Variants in CD180 observed in about 807,000 individuals in gnomAD.
CD180 encodes CD180 antigen.
CD180 carries 11 observed loss-of-function variants against 10.7 expected under a neutral mutation model. The ratio of observed to expected loss-of-function variants is 1.03; its 90% CI spans 0.65 to 1.70. CD180 has a LOEUF of 1.70. CD180 is among the 40% of genes most tolerant of loss of function. CD180 has a pLI of 0.00. For missense variants in CD180, 729 were observed against 775.2 expected, an observed-to-expected ratio of 0.94 and a Z score of 0.71; for synonymous variants, 286 against 294.6, an observed-to-expected ratio of 0.97 and a Z score of 0.30.
chr5:67,190,848 C>G, intron 1 of CD180: 1 of 813,794 alleles, frequency 1.2e-6, no homozygotes, highest in South Asian at 5.6e-5. Flanking sequence ...CTAACTCCCT[C>G]TCATCCCACT....
intron 1 of CD180, among the ~76,000 whole-genome samples, chr5:67,191,610 A>T (rs1411499895): frequency 1.3e-5 from 2 of 152,224 alleles, no homozygotes; most frequent in Non-Finnish European, 2.9e-5. Flanking sequence ...AGTGCATCTA[A>T]AATGATGCCA....
rs1561235509 is a variant in CD180, at chr5:67,185,955, TAG to T, written c.151_152del (p.Leu51ThrfsTer12). The T allele has an allele frequency of 1.2e-6, 2 of 1,611,666 alleles. No individual in the cohort carries two copies. ...NLGLSEIPDTLPNTTEFLEFS... is the reference protein window; with the variant it reads ...NLGLSEIPDTXPNTTEFLEFS... The stretch of plus-strand genomic sequence containing the variant: ...ATTCCAAAAATTCTGTTGTGTTTGG[TAG>T]AGTGTCAGGGATTTCACTGAGACCT... On this transcript the variant is annotated frameshift_variant, in exon 2 of 3. Coordinates refer to ENST00000256447, the MANE Select transcript of CD180 (RefSeq NM_005582.3). LOFTEE classifies it high-confidence loss of function.
chr5:67,187,433 T>G (rs917394971), intron 1 of CD180, among the ~76,000 whole-genome samples: 1 of 152,230 alleles, frequency 6.6e-6, no homozygotes, highest in Non-Finnish European at 1.5e-5. Context: ...TACCAGACAG[T>G]AGGCTTTTGG....
intron 1 of CD180, among the ~76,000 whole-genome samples, chr5:67,194,798 T>A (rs1742370021): frequency 6.6e-6 from 1 of 152,204 alleles, no homozygotes; most frequent in Admixed American, 6.5e-5. Flanking sequence ...CTTCTCCTTC[T>A]GTTATGGGCT....
rs5744477 is a variant in CD180 at position 67,193,889 on chromosome 5, G to T, written c.90+2663C>A. Among the ~76,000 whole-genome samples the T allele has an allele frequency of 1.7e-3, 255 of 152,340 alleles. 2 individuals carry two copies. The highest frequency in any genetic ancestry group is 6.0e-3 in the African/African-American group (250 of 41,574). On this transcript the variant is annotated intron_variant, in intron 1 of 2. Transcript: ENST00000256447. ...TTAAAACAGCCTGCTTCCCAATGAGGTGGAATTAAATGGTGATGTTATCCT... is the reference window on the plus strand; with the variant it reads ...TTAAAACAGCCTGCTTCCCAATGAGTTGGAATTAAATGGTGATGTTATCCT...
At chr5:67,189,988 A>T (rs5744494) in intron 1 of CD180, among the ~76,000 whole-genome samples, 6,843 of 152,196 alleles carry the variant, frequency 0.045, 161 homozygotes, top group Non-Finnish European at 0.049. Flanking sequence ...TTGTCCCATT[A>T]TTGTTCTTTA....
chr5:67,188,164 G>A (rs1742237170), intron 1 of CD180, among the ~76,000 whole-genome samples: 1 of 141,944 alleles, frequency 7.0e-6, no homozygotes, highest in African/African-American at 3.0e-5. Context: ...GTGAGACTCT[G>A]CCTCAAAAAG....
At chr5:67,193,737 A>G (rs5744478) in intron 1 of CD180, among the ~76,000 whole-genome samples, 8,429 of 152,336 alleles carry the variant, frequency 0.055, 290 homozygotes, top group Non-Finnish European at 0.079. Context: ...GCCCTAGAAC[A>G]CTGAGCACCA....
chr5:67,187,154 T>C (rs1742212488), intron 1 of CD180, among the ~76,000 whole-genome samples: 1 of 152,186 alleles, frequency 6.6e-6, no homozygotes, highest in Admixed American at 6.5e-5. Flanking sequence ...GAGAAGCATA[T>C]TTAAATATTT....
chr5:67,191,641 G>A (rs1041054278), intron 1 of CD180, among the ~76,000 whole-genome samples: 2 of 152,158 alleles, frequency 1.3e-5, no homozygotes, highest in South Asian at 2.1e-4. Flanking sequence ...CACAGAACAC[G>A]AATTCCAGCT....
Position 67,183,893 on chromosome 5 carries a change from ATCCC to A in CD180, c.946_949del (p.Gly316Ter). The A allele has an allele frequency of 4.3e-6, 7 of 1,614,182 alleles. No homozygotes were observed. Among genetic ancestry groups the A allele is most frequent in the Non-Finnish European group, 5.1e-6 (6 of 1,180,010 alleles). On this transcript the variant is annotated frameshift_variant, in exon 3 of 3. Transcript: ENST00000256447. LOFTEE classifies it low-confidence loss of function (END_TRUNC). ...TTTCTTGAGCAAGTTCAGACCCTTCATCCCAGAGGGTAACCCTTTCAAGTGAGTT... is the reference window on the plus strand; with the variant it reads ...TTTCTTGAGCAAGTTCAGACCCTTCAAGAGGGTAACCCTTTCAAGTGAGTT...
At chr5:67,185,575 A>G (rs976221929) in intron 2 of CD180, among the ~76,000 whole-genome samples, 1 of 152,190 alleles carries the variant, frequency 6.6e-6, no homozygotes, top group Non-Finnish European at 1.5e-5. Context: ...ATTTAGTACA[A>G]GATTATTTTC....
At chr5:67,186,805 G>A (rs1191582777) in intron 1 of CD180, among the ~76,000 whole-genome samples, 1 of 150,950 alleles carries the variant, frequency 6.6e-6, no homozygotes, top group African/African-American at 2.4e-5. Context: ...TGATATGGTG[G>A]ATTTAAGTGG....
In CD180 at chr5:67,183,148, G is replaced by A. The variant is rs370724036; in HGVS notation, c.1695C>T (p.Ile565=). ...INIISPRLLP[I]LSQQSTINLS... ...AATTAATGGTGCTCTGCTGGGACAAGATAGGGAGGAGACGGGGTGAGATGA... is the reference window on the plus strand; with the variant it reads ...AATTAATGGTGCTCTGCTGGGACAAAATAGGGAGGAGACGGGGTGAGATGA... Residue 565 remains isoleucine, a synonymous_variant, in exon 3 of 3, where the codon ATC becomes ATT. Transcript: ENST00000256447. 17 of 1,611,020 alleles carry A rather than the reference G, an allele frequency of 1.1e-5. No homozygotes were observed. Among genetic ancestry groups the A allele is most frequent in the African/African-American group, 2.7e-5 (2 of 74,850 alleles).
At chr5:67,184,619 T>C in intron 2 of CD180, 34 bp from the exon 3 acceptor site, 2 of 1,534,100 alleles carry the variant, frequency 1.3e-6, no homozygotes. Flanking sequence ...CAATAATTCA[T>C]TTGAAAAAAG....
At chr5:67,193,687 A>G (rs972279741) in intron 1 of CD180, among the ~76,000 whole-genome samples, 1 of 152,214 alleles carries the variant, frequency 6.6e-6, no homozygotes, top group South Asian at 2.1e-4. Context: ...GCTTATCCAA[A>G]AAGGAAAGAC....
In CD180 at chr5:67,195,402, A is replaced by G. The variant is rs1742380914; in HGVS notation, c.90+1150T>C. Among the ~76,000 whole-genome samples, 3 of 152,190 alleles carry G rather than the reference A, an allele frequency of 2.0e-5. No homozygotes were observed. The South Asian group carries it at 6.2e-4, about 31-fold the overall frequency. On this transcript the variant is annotated intron_variant, in intron 1 of 2. Transcript: ENST00000256447. ...CAGCTAATATTTGTATTTTTAGTAC[A>G]GATGGGGTTTTGCCATGTTGCCCAG...
chr5:67,185,728 T>TA, intron 2 of CD180, 123 bp downstream of exon 2: 1 of 579,696 alleles, frequency 1.7e-6, no homozygotes, highest in Non-Finnish European at 2.8e-6. Flanking sequence ...TGGGGAGGCA[T>TA]AAACATGTAG....
chr5:67,184,504 C>A lies in CD180; in HGVS notation c.339G>T (p.Leu113=). The A allele has an allele frequency of 1.2e-6, 2 of 1,613,968 alleles. No individual in the cohort carries two copies. Among genetic ancestry groups the A allele is most frequent in the Non-Finnish European group, 1.7e-6 (2 of 1,179,850 alleles). Residue 113 remains leucine (L), a synonymous_variant, in exon 3 of 3, where the codon CTG becomes CTT. Coordinates refer to ENST00000256447, the MANE Select transcript of CD180 (RefSeq NM_005582.3). ...TAAGCGATGTTTCTGCCATGAATAT[C>A]AGGGGATTTCCAGTTAACACAAGTG... ...LSTLVLTGNP[L]IFMAETSLNG...
Sources: allele counts gnomAD v4.1 joint callset (sites outside exome capture counted in the v4.1 genomes callset), GRCh38; gene constraint gnomAD v4.1.1; transcripts MANE v1.5; gene names NCBI Gene and HGNC (gene_info 2026-07-23, HGNC 2026-07-21).